TMEM117: variants seen among roughly 807,000 people sequenced by gnomAD.
TMEM117 encodes transmembrane protein 117.
Under a neutral mutation model 52.4 loss-of-function variants are expected in TMEM117, and 27 were observed. That is an observed-to-expected ratio of 0.51 (90% confidence interval 0.38 to 0.71). The LOEUF (loss-of-function observed/expected upper bound fraction) is 0.71. Ranked by LOEUF, TMEM117 falls within the 30% of genes least tolerant of loss-of-function variation. The pLI is 0.00. For missense variants in TMEM117, 556 were observed against 630.5 expected (o/e 0.88, Z 1.26); for synonymous variants, 215 against 206.3 (o/e 1.04, Z -0.36).
chr12:44,390,527 G>C (rs1229510597), downstream of TMEM117, among the ~76,000 whole-genome samples: 1 of 151,848 alleles, frequency 6.6e-6, no homozygotes, highest in Non-Finnish European at 1.5e-5. Context: ...GGTATTAATG[G>C]AAAATGTTTT....
At chr12:43,802,259 TAAAC>T in the TMEM117 span, 2 of 1,459,552 alleles carry the variant, frequency 1.4e-6, no homozygotes, top group South Asian at 1.4e-5. Context: ...CATTTAATGT[TAAAC>T]AAACTATAAA....
At chr12:43,868,555 T>C (rs1033441895) in intron 2 of TMEM117, among the ~76,000 whole-genome samples, 1 of 138,604 alleles carries the variant, frequency 7.2e-6, no homozygotes, top group East Asian at 2.1e-4. Context: ...CGTCTCAAAA[T>C]AAACAACCCC....
At chr12:44,352,871 A>G (rs1951584969) in intron 6 of TMEM117, among the ~76,000 whole-genome samples, 1 of 152,140 alleles carries the variant, frequency 6.6e-6, no homozygotes, top group African/African-American at 2.4e-5. Context: ...GAATCGCCAC[A>G]CTGTCTTCCA....
chr12:44,327,895 T>C (rs1462143954), intron 6 of TMEM117, among the ~76,000 whole-genome samples: 1 of 152,210 alleles, frequency 6.6e-6, no homozygotes, highest in Non-Finnish European at 1.5e-5. Context: ...CTGAGCTGGC[T>C]AGTGAGCTGT....
chr12:44,243,610 C>G (rs968418509), intron 5 of TMEM117, among the ~76,000 whole-genome samples: 1 of 151,484 alleles, frequency 6.6e-6, no homozygotes, highest in Non-Finnish European at 1.5e-5. Context: ...TATTATTTCA[C>G]ACACTTATTT....
intron 5 of TMEM117, among the ~76,000 whole-genome samples, chr12:44,214,954 T>C (rs906578045): frequency 7.9e-5 from 12 of 152,216 alleles, no homozygotes; most frequent in African/African-American, 2.7e-4. Context: ...TTTGGTTTTG[T>C]TCTTTTAGCC....
chr12:43,864,180 C>G (rs933387601), intron 2 of TMEM117, among the ~76,000 whole-genome samples: 18 of 152,268 alleles, frequency 1.2e-4, no homozygotes, highest in African/African-American at 4.3e-4. Context: ...CTCCCTCACT[C>G]CCCCCGCAGT....
At chr12:43,887,339 A>G (rs1940171296) in intron 2 of TMEM117, among the ~76,000 whole-genome samples, 1 of 152,254 alleles carries the variant, frequency 6.6e-6, no homozygotes, top group Non-Finnish European at 1.5e-5. Flanking sequence ...ATGCCAGTTA[A>G]AAGTGAAGAA....
At chr12:44,076,279 G>A (rs371009222) in intron 3 of TMEM117, among the ~76,000 whole-genome samples, 75 of 152,288 alleles carry the variant, frequency 4.9e-4, no homozygotes, top group African/African-American at 1.7e-3. Flanking sequence ...TGTATTGTGA[G>A]TGTCTGTGGC....
intron 4 of TMEM117, among the ~76,000 whole-genome samples, chr12:44,150,990 G>A (rs1391390339): frequency 6.6e-6 from 1 of 151,952 alleles, no homozygotes; most frequent in African/African-American, 2.4e-5. Flanking sequence ...GTATGTGATA[G>A]GTATATGTAT....
Position 43,864,158 on chromosome 12 carries a change from C to T in TMEM117, c.277+19230C>T, listed in dbSNP as rs533403166. ...GGCAGGGCTCAGGACCTGCAGCCTG[C>T]CATGCCTGAGTCTCCCTCACTCCCC... On this transcript the variant is annotated intron_variant, in intron 2 of 7. Transcript: ENST00000266534. 1.5e-3 allele frequency among the ~76,000 whole-genome samples: 231 copies of T among 152,308 alleles called. 1 individual carries two copies. The highest frequency in any genetic ancestry group is 5.3e-3 in the African/African-American group (222 of 41,586).
At chr12:43,853,337 G>C (rs1244297298) in intron 2 of TMEM117, among the ~76,000 whole-genome samples, 1 of 152,146 alleles carries the variant, frequency 6.6e-6, no homozygotes, top group Non-Finnish European at 1.5e-5. Flanking sequence ...GTGCAGTGGT[G>C]CAATCTTGGC....
chr12:44,046,201 C>T (rs1699962605), intron 3 of TMEM117, among the ~76,000 whole-genome samples: 1 of 152,170 alleles, frequency 6.6e-6, no homozygotes, highest in Admixed American at 6.5e-5. Context: ...TTCTGCTGGG[C>T]TAGAGGTCTT....
At chr12:44,197,012 G>T (rs949584493) in intron 4 of TMEM117, among the ~76,000 whole-genome samples, 2 of 152,144 alleles carry the variant, frequency 1.3e-5, no homozygotes, top group South Asian at 4.2e-4. Flanking sequence ...AATAGAGCTG[G>T]CTGAACCATT....
At chr12:44,386,610 A>G (rs1458817782) in intron 7 of TMEM117, among the ~76,000 whole-genome samples, 1 of 152,124 alleles carries the variant, frequency 6.6e-6, no homozygotes, top group Admixed American at 6.6e-5. Context: ...GATGATAATT[A>G]TAGCAATTAC....
chr12:43,921,259 T>G (rs1944688866), intron 2 of TMEM117, among the ~76,000 whole-genome samples: 1 of 152,200 alleles, frequency 6.6e-6, no homozygotes, highest in Non-Finnish European at 1.5e-5. Context: ...TTCTGATTAT[T>G]TTTCCCCAGA....
chr12:44,099,777 A>G (rs959201017), intron 3 of TMEM117, among the ~76,000 whole-genome samples: 2 of 152,032 alleles, frequency 1.3e-5, no homozygotes, highest in Non-Finnish European at 2.9e-5. Context: ...GAAGCAGAAT[A>G]TTATTTTGCC....
chr12:44,325,497 ATTAT>A (rs1346244309), intron 6 of TMEM117, among the ~76,000 whole-genome samples: 1 of 150,666 alleles, frequency 6.6e-6, no homozygotes. Context: ...TTATATTTAT[ATTAT>A]TTATTATATT....
chr12:44,087,823 G>T (rs868564496), intron 3 of TMEM117, among the ~76,000 whole-genome samples: 1 of 152,076 alleles, frequency 6.6e-6, no homozygotes, highest in East Asian at 1.9e-4. Flanking sequence ...GTTTTTCTCT[G>T]CCTCTCTAAA....
Sources: gnomAD v4.1 joint callset for allele counts (sites outside exome capture counted in the v4.1 genomes callset) on GRCh38, gnomAD v4.1.1 for gene constraint, MANE v1.5 for transcripts, NCBI Gene and HGNC (gene_info 2026-07-23, HGNC 2026-07-21) for gene names.